The following MYO16 variants were observed in gnomAD, a reference collection of about 807,000 sequenced individuals.
MYO16 encodes myosin XVI, also known as unconventional myosin-XVI.
MYO16 carries 94 observed loss-of-function variants against 205.3 expected under a neutral mutation model. The ratio of observed to expected loss-of-function variants is 0.46; its 90% CI spans 0.39 to 0.54. The LOEUF is 0.54. Ranked by LOEUF, MYO16 falls within the 20% of genes least tolerant of loss-of-function variation. The pLI is 0.00. For synonymous variants in MYO16, 988 were observed against 954.0 expected (o/e 1.04, Z -0.66); for missense variants, 2,315 against 2,387.5 (o/e 0.97, Z 0.63).
intron 34 of MYO16, among the ~76,000 whole-genome samples, chr13:109,191,795 A>G (rs933924330): frequency 2.0e-5 from 3 of 152,234 alleles, no homozygotes; most frequent in African/African-American, 2.4e-5. Flanking sequence ...TAAAATACCA[A>G]TTATGACTAT....
chr13:109,011,497 T>C (rs1313150133), intron 22 of MYO16, among the ~76,000 whole-genome samples: 2 of 18,202 alleles, frequency 1.1e-4, no homozygotes, highest in Non-Finnish European at 2.0e-4. Flanking sequence ...TTTCTTCCTT[T>C]CTTTTTTTTT....
At chr13:108,887,733 A>G (rs1879969197) in intron 13 of MYO16, among the ~76,000 whole-genome samples, 1 of 152,230 alleles carries the variant, frequency 6.6e-6, no homozygotes, top group African/African-American at 2.4e-5. Context: ...CAGGTTTAGT[A>G]GGATCTGCGG....
At position 109,030,403 on chromosome 13, in the gene MYO16, T is replaced by C. The variant is rs1157587730; in HGVS notation, c.2796+10492T>C. Among the ~76,000 whole-genome samples, 3 of 152,182 alleles carry C rather than the reference T, an allele frequency of 2.0e-5. No homozygotes were observed. In the East Asian group the frequency reaches 5.8e-4, roughly 29 times the overall value. On this transcript the variant is annotated intron_variant, in intron 23 of 34. Transcript: ENST00000457511. The stretch of plus-strand genomic sequence containing the variant: ...TTTGCTAAAATCCAATCTTCACATA[T>C]ATTCTGTGATATATTGAATTCAAGG...
chr13:109,132,248 C>T (rs1043581173), intron 31 of MYO16, among the ~76,000 whole-genome samples: 12 of 152,152 alleles, frequency 7.9e-5, no homozygotes, highest in African/African-American at 2.2e-4. Context: ...CACTGTTCAC[C>T]GTTCTATGTT....
chr13:108,987,393 TTC>T (rs1270358491), intron 20 of MYO16, among the ~76,000 whole-genome samples: 1 of 152,168 alleles, frequency 6.6e-6, no homozygotes. Context: ...CCCCCCAAGT[TTC>T]TCTCATAGAC....
At chr13:108,635,600 A>T (rs866950790) in intron 1 of MYO16, among the ~76,000 whole-genome samples, 3 of 151,698 alleles carry the variant, frequency 2.0e-5, no homozygotes, top group Admixed American at 6.6e-5. Flanking sequence ...TCCCTGGTTC[A>T]AGTGATTCTC....
the MYO16 span, among the ~76,000 whole-genome samples, chr13:108,499,966 C>G: frequency 1.3e-5 from 2 of 148,210 alleles, no homozygotes; most frequent in South Asian, 2.1e-4. Context: ...GGCACGGCCC[C>G]TCTCTCCCTC....
chr13:108,584,244 AC>A, the MYO16 span, among the ~76,000 whole-genome samples: 1 of 152,118 alleles, frequency 6.6e-6, no homozygotes, highest in Non-Finnish European at 1.5e-5. Flanking sequence ...GAGGCACCGC[AC>A]CCAGCCTAAA....
intron 4 of MYO16, among the ~76,000 whole-genome samples, chr13:108,753,348 C>CA (rs1885305892): frequency 9.0e-6 from 1 of 111,338 alleles, no homozygotes; most frequent in Non-Finnish European, 1.7e-5. Flanking sequence ...CCAGCCTGGG[C>CA]AATAAGAGCA....
chr13:109,046,978 A>C lies in MYO16; in HGVS notation c.2859A>C (p.Leu953=), dbSNP rs375251733. The C allele has an allele frequency of 3.7e-6, 6 of 1,609,654 alleles. No homozygotes were observed. The African/African-American group carries it at 8.0e-5, about 22-fold the overall frequency. ...KNKDSLSQNL[L]FVMKTSENVV... The stretch of plus-strand genomic sequence containing the variant: ...AAGACTCCCTTTCACAGAATCTTCT[A>C]TTTGTAATGAAAAGTAAGTTGATTT... Residue 953 remains leucine, a synonymous_variant, in exon 24 of 35, where the codon CTA becomes CTC. Coordinates refer to ENST00000457511, the MANE Select transcript of MYO16 (RefSeq NM_001198950.3).
intron 10 of MYO16, among the ~76,000 whole-genome samples, chr13:108,848,874 A>G (rs1221769082): frequency 6.6e-6 from 1 of 152,212 alleles, no homozygotes; most frequent in African/African-American, 2.4e-5. Context: ...TTTTGTATCC[A>G]GTGCTCTTTT....
intron 27 of MYO16, among the ~76,000 whole-genome samples, chr13:109,099,666 G>A (rs1022500152): frequency 6.6e-6 from 1 of 152,126 alleles, no homozygotes; most frequent in Non-Finnish European, 1.5e-5. Context: ...ACACCAGACT[G>A]TACTGCCGCA....
At chr13:109,096,027 G>A (rs1261339552) in intron 27 of MYO16, among the ~76,000 whole-genome samples, 1 of 152,210 alleles carries the variant, frequency 6.6e-6, no homozygotes, top group Non-Finnish European at 1.5e-5. Flanking sequence ...TGGCCCTGGA[G>A]TTAGATTGTC....
At chr13:109,100,754 C>A in intron 27 of MYO16, 31 bp from the exon 28 acceptor site, 1 of 1,544,760 alleles carries the variant, frequency 6.5e-7, no homozygotes, top group South Asian at 1.1e-5. Context: ...CAAATGCAGT[C>A]ATTGCTTTCT....
intron 28 of MYO16, among the ~76,000 whole-genome samples, chr13:109,106,093 A>G (rs1889115935): frequency 6.6e-6 from 1 of 152,250 alleles, no homozygotes; most frequent in African/African-American, 2.4e-5. Flanking sequence ...GTATTTTGAA[A>G]TGATTTGAGT....
intron 10 of MYO16, among the ~76,000 whole-genome samples, chr13:108,854,238 C>T (rs568322214): frequency 6.6e-6 from 1 of 151,970 alleles, no homozygotes; most frequent in South Asian, 2.1e-4. Context: ...CTCAAGTGAT[C>T]CACCCACCAC....
intron 12 of MYO16, among the ~76,000 whole-genome samples, chr13:108,869,520 C>G (rs939120742): frequency 6.6e-6 from 1 of 150,594 alleles, no homozygotes; most frequent in East Asian, 2.0e-4. Flanking sequence ...GTCAGGAGAT[C>G]GAGACCATCC....
At chr13:108,803,884 G>A (rs1594306699) in intron 6 of MYO16, among the ~76,000 whole-genome samples, 1 of 152,182 alleles carries the variant, frequency 6.6e-6, no homozygotes, top group Non-Finnish European at 1.5e-5. Context: ...AAATTAGTAT[G>A]TGGAAGGGTG....
At chr13:108,923,304 G>A (rs1257534203) in intron 16 of MYO16, among the ~76,000 whole-genome samples, 2 of 152,252 alleles carry the variant, frequency 1.3e-5, no homozygotes, top group African/African-American at 4.8e-5. Flanking sequence ...GGGAAATTCA[G>A]ACACAGGAGA....
Sources: gnomAD v4.1 joint callset for allele counts (sites outside exome capture counted in the v4.1 genomes callset) on GRCh38, gnomAD v4.1.1 for gene constraint, MANE v1.5 for transcripts, NCBI Gene and HGNC (gene_info 2026-07-23, HGNC 2026-07-21) for gene names.